NRCAM: variants seen among roughly 807,000 people sequenced by gnomAD.
NRCAM encodes the protein neuronal cell adhesion molecule, also known as NgCAM-related cell adhesion molecule.
Under a neutral mutation model 156.5 loss-of-function variants are expected in NRCAM, and 83 were observed. That is an observed-to-expected ratio of 0.53 (90% confidence interval 0.44 to 0.64). The LOEUF (loss-of-function observed/expected upper bound fraction) is 0.64, where lower values mean the gene tolerates loss of function less well. Among genes scored for constraint, NRCAM ranks in the 30% least tolerant of loss-of-function variants. The pLI, the probability that NRCAM is intolerant of heterozygous loss-of-function variation, is 0.00. For synonymous variants in NRCAM, 538 were observed against 563.9 expected, an observed-to-expected ratio of 0.95 and a Z score of 0.65; for missense variants, 1,417 against 1,597.3, an observed-to-expected ratio of 0.89 and a Z score of 1.92.
chr7:108,268,636 T>TGGGGGGGGGGGGGGGGGGGG (rs1300340254), intron 3 of NRCAM, among the ~76,000 whole-genome samples: 1 of 8,492 alleles, frequency 1.2e-4, no homozygotes, highest in Non-Finnish European at 2.2e-4. Flanking sequence ...GGGGGGGGGT[T>TGGGGGGGGGGGGGGGGGGGG]GGGGGGGGCG....
chr7:108,225,742 G>A (rs758742563), intron 9 of NRCAM, 41 bp from the exon 10 acceptor site: 3 of 1,254,908 alleles, frequency 2.4e-6, no homozygotes, highest in Non-Finnish European at 3.5e-6. Flanking sequence ...ATAAAAGTGG[G>A]GGAGAAGGGT....
At chr7:108,216,299 T>C (rs1011100687) in intron 11 of NRCAM, among the ~76,000 whole-genome samples, 7 of 152,248 alleles carry the variant, frequency 4.6e-5, no homozygotes, top group Non-Finnish European at 1.0e-4. Flanking sequence ...TCTGATGGGC[T>C]TTCCTTTGTG....
chr7:108,201,811 T>A (rs2078308510), intron 13 of NRCAM, among the ~76,000 whole-genome samples: 1 of 152,202 alleles, frequency 6.6e-6, no homozygotes. Flanking sequence ...AATAGAGCAG[T>A]CTTCAAATAT....
At chr7:108,361,677 C>T (rs1273260248) in intron 2 of NRCAM, among the ~76,000 whole-genome samples, 2 of 152,124 alleles carry the variant, frequency 1.3e-5, no homozygotes, top group Admixed American at 1.3e-4. Flanking sequence ...AAATCATTAG[C>T]TCTCCTGGGT....
intron 11 of NRCAM, among the ~76,000 whole-genome samples, chr7:108,212,796 G>A (rs2085396638): frequency 6.6e-6 from 1 of 152,266 alleles, no homozygotes; most frequent in East Asian, 1.9e-4. Flanking sequence ...TGAGGAATAA[G>A]AGAAATCTAA....
chr7:108,206,093 C>T (rs1444462029), intron 13 of NRCAM, among the ~76,000 whole-genome samples: 1 of 152,214 alleles, frequency 6.6e-6, no homozygotes, highest in East Asian at 1.9e-4. Flanking sequence ...GAATACACTT[C>T]CTTCTACAGT....
chr7:108,297,482 ATGAAACTTTCATTATCTGACAAAGAGC>A (rs1563154816), intron 3 of NRCAM, among the ~76,000 whole-genome samples: 1 of 152,222 alleles, frequency 6.6e-6, no homozygotes, highest in Non-Finnish European at 1.5e-5. Flanking sequence ...TGACAAAGGG[ATGAAACTTTCATTATCTGACAAAGAGC>A]TGAAACTTTA....
chr7:108,173,807 C>G (rs912104449), intron 28 of NRCAM, among the ~76,000 whole-genome samples: 12 of 152,246 alleles, frequency 7.9e-5, no homozygotes, highest in Non-Finnish European at 1.3e-4. Flanking sequence ...TTAGTAACAT[C>G]AAATGGTAAA....
rs183293322 is a variant in NRCAM, at chr7:108,160,346, A to C, written c.3598+15T>G. ...TATGTAGCATTATAAAGCAATTTTA[A>C]TCTTTCTTTCTTACCTGGATATTTA... On this transcript the variant is annotated intron_variant, in intron 31 of 32. Transcript: ENST00000379028. 2 of 1,609,900 alleles carry C rather than the reference A, an allele frequency of 1.2e-6. No homozygotes were observed. Among genetic ancestry groups the C allele is most frequent in the African/African-American group, 1.3e-5 (1 of 74,896 alleles).
At chr7:108,368,237 C>A (rs1442095014) in intron 2 of NRCAM, among the ~76,000 whole-genome samples, 1 of 127,952 alleles carries the variant, frequency 7.8e-6, no homozygotes, top group Non-Finnish European at 1.6e-5. Flanking sequence ...CCCCCCCACC[C>A]CCCCGCCTGC....
At chr7:108,209,180 T>C (rs1009369250) in intron 12 of NRCAM, among the ~76,000 whole-genome samples, 2 of 152,190 alleles carry the variant, frequency 1.3e-5, no homozygotes, top group Non-Finnish European at 2.9e-5. Flanking sequence ...TATTGACTTT[T>C]CTATTTCCTT....
In NRCAM at chr7:108,182,741, C is replaced by A. The variant is rs1316019358; in HGVS notation, c.2484G>T (p.Gly828=). 1 of 1,614,226 alleles carries A rather than the reference C, an allele frequency of 6.2e-7. No individual in the cohort carries two copies. Among genetic ancestry groups the A allele is most frequent in the East Asian group, 2.2e-5 (1 of 44,872 alleles). The change falls in exon 23 of 33, where the codon GGG becomes GGT. Residue 828 remains glycine, a synonymous_variant. Transcript: ENST00000379028. ...LIKVQALNDM[G]FAPEPAVVMG... is the part of the protein sequence containing the mutation. ...TGACTACAGCTGGCTCGGGGGCAAA[C>A]CCCATGTCATTCAGGGCCTGAACTT...
chr7:108,308,839 G>C (rs2098757156), intron 3 of NRCAM, among the ~76,000 whole-genome samples: 1 of 152,142 alleles, frequency 6.6e-6, no homozygotes, highest in Non-Finnish European at 1.5e-5. Context: ...AGAATAATGA[G>C]GACAGGATGC....
At chr7:108,323,361 C>A (rs955741182) in intron 2 of NRCAM, among the ~76,000 whole-genome samples, 3 of 152,252 alleles carry the variant, frequency 2.0e-5, no homozygotes, top group African/African-American at 7.2e-5. Context: ...ATTGCAATTC[C>A]CAGCATCATT....
chr7:108,364,727 T>TA (rs1393939388), intron 2 of NRCAM, among the ~76,000 whole-genome samples: 1 of 119,146 alleles, frequency 8.4e-6, no homozygotes, highest in Non-Finnish European at 1.7e-5. Flanking sequence ...TTACGCTAAG[T>TA]CAAAAAAAAA....
chr7:108,266,086 T>C (rs58523350), intron 3 of NRCAM, among the ~76,000 whole-genome samples: 7,204 of 152,310 alleles, frequency 0.047, 218 homozygotes, highest in South Asian at 0.11. Flanking sequence ...ATGTATTGTA[T>C]GTGTTTTCAA....
intron 2 of NRCAM, among the ~76,000 whole-genome samples, chr7:108,367,725 A>G (rs942368627): frequency 3.3e-5 from 5 of 152,198 alleles, no homozygotes; most frequent in African/African-American, 9.7e-5. Flanking sequence ...AAGAAAAATC[A>G]TATGTTGTAA....
At chr7:108,196,023 G>T in intron 14 of NRCAM, 151 bp from the exon 15 acceptor site, 2 of 626,786 alleles carry the variant, frequency 3.2e-6, no homozygotes, top group Non-Finnish European at 5.8e-6. Flanking sequence ...GCATAATGCT[G>T]CCAGTCACTC....
In NRCAM at chr7:108,261,528, C is replaced by A. The variant is rs964313217; in HGVS notation, c.-106-21358G>T. On this transcript the variant is annotated intron_variant, in intron 3 of 32. Transcript: ENST00000379028. ...TGGTTTTATCTCCATGAATCATAGA[C>A]TTGAAAGGCCAAAGACACTCCAGGG... is the stretch of plus-strand genomic sequence containing the variant. 2.0e-5 allele frequency among the ~76,000 whole-genome samples: 3 copies of A among 152,202 alleles called. No individual in the cohort carries two copies. The East Asian group carries it at 5.8e-4, about 29-fold the overall frequency.
Sources: gnomAD v4.1 joint callset for allele counts (sites outside exome capture counted in the v4.1 genomes callset) on GRCh38, gnomAD v4.1.1 for gene constraint, MANE v1.5 for transcripts, NCBI Gene and HGNC (gene_info 2026-07-23, HGNC 2026-07-21) for gene names.